The following KANSL1L variants were observed in gnomAD, a reference collection of about 807,000 sequenced individuals.
KANSL1L encodes KAT8 regulatory NSL complex subunit 1-like protein.
Under a neutral mutation model 108.6 loss-of-function variants are expected in KANSL1L, and 25 were observed. The ratio of observed to expected loss-of-function variants is 0.23; its 90% CI spans 0.17 to 0.32. KANSL1L has a LOEUF of 0.32. Among genes scored for constraint, KANSL1L ranks in the 10% least tolerant of loss-of-function variants. The pLI, the probability that KANSL1L is intolerant of heterozygous loss-of-function variation, is 1.00. For missense variants in KANSL1L, 1,137 were observed against 1,125.7 expected, an observed-to-expected ratio of 1.01 and a Z score of -0.14; for synonymous variants, 405 against 395.1, an observed-to-expected ratio of 1.03 and a Z score of -0.30.
At chr2:210,149,842 T>C (rs963758228) in intron 2 of KANSL1L, among the ~76,000 whole-genome samples, 2 of 151,716 alleles carry the variant, frequency 1.3e-5, no homozygotes, top group Middle Eastern at 3.4e-3. Context: ...TTGTATTTAA[T>C]GTATGGGAAG....
upstream of KANSL1L, chr2:210,171,979 T>A (rs1479416687): frequency 5.9e-5 from 7 of 118,030 alleles, no homozygotes; most frequent in East Asian, 1.7e-3. Context: ...TGGATCCAAC[T>A]GGGTGGTTTT....
At chr2:210,029,185 GTATT>G (rs2093980463) in intron 10 of KANSL1L, 1 of 452,872 alleles carries the variant, frequency 2.2e-6, no homozygotes. Flanking sequence ...TGTGTAATGT[GTATT>G]TATGTGTGCA....
At chr2:210,159,588 T>TA (rs2095350775) in intron 1 of KANSL1L, among the ~76,000 whole-genome samples, 1 of 152,226 alleles carries the variant, frequency 6.6e-6, no homozygotes, top group Non-Finnish European at 1.5e-5. Context: ...ACTAAATTCA[T>TA]AAATTAATTG....
chr2:210,095,719 ATTAAAC>A (rs1175249087), intron 5 of KANSL1L, among the ~76,000 whole-genome samples: 1 of 152,192 alleles, frequency 6.6e-6, no homozygotes. Flanking sequence ...ATAAAGAGCT[ATTAAAC>A]TTAAAGATAA....
intron 11 of KANSL1L, 164 bp downstream of exon 11, chr2:210,028,681 T>G: frequency 1.8e-6 from 1 of 568,206 alleles, no homozygotes; most frequent in Non-Finnish European, 3.1e-6. Context: ...TGATACTATA[T>G]AACACTTAAG....
chr2:210,118,867 C>T (rs2094984693), intron 3 of KANSL1L, among the ~76,000 whole-genome samples: 1 of 151,350 alleles, frequency 6.6e-6, no homozygotes, highest in South Asian at 2.1e-4. Context: ...AAAAAAAGTC[C>T]TCTATTAAAG....
At chr2:210,168,045 G>A (rs569395545) in intron 1 of KANSL1L, among the ~76,000 whole-genome samples, 27 of 152,174 alleles carry the variant, frequency 1.8e-4, no homozygotes, top group African/African-American at 5.5e-4. Context: ...TAAAAGTAAT[G>A]TAAGATTGTA....
At chr2:210,121,214 T>C (rs1037718114) in intron 3 of KANSL1L, among the ~76,000 whole-genome samples, 1 of 152,186 alleles carries the variant, frequency 6.6e-6, no homozygotes, top group African/African-American at 2.4e-5. Flanking sequence ...ATTGCAGCAC[T>C]ATGCACAATA....
chr2:210,102,488 C>CTTCT (rs1559556846), intron 4 of KANSL1L, among the ~76,000 whole-genome samples: 1 of 152,072 alleles, frequency 6.6e-6, no homozygotes, highest in African/African-American at 2.4e-5. Context: ...AACTAAAGAG[C>CTTCT]TTCTGCACAG....
intron 6 of KANSL1L, among the ~76,000 whole-genome samples, chr2:210,062,085 C>T (rs201460715): frequency 6.6e-6 from 1 of 152,092 alleles, no homozygotes; most frequent in East Asian, 1.9e-4. Context: ...AGTTGTGTCC[C>T]CACCCAAATC....
chr2:210,048,491 CTT>C (rs999934996), intron 6 of KANSL1L, among the ~76,000 whole-genome samples: 10 of 151,594 alleles, frequency 6.6e-5, no homozygotes, highest in African/African-American at 2.4e-4. Context: ...AAAAATTAAA[CTT>C]ACTTATTTTT....
At chr2:210,161,917 G>T (rs2095363305) in intron 1 of KANSL1L, among the ~76,000 whole-genome samples, 1 of 151,426 alleles carries the variant, frequency 6.6e-6, no homozygotes, top group South Asian at 2.1e-4. Flanking sequence ...TACAAAGATG[G>T]TGTATATATT....
intron 8 of KANSL1L, among the ~76,000 whole-genome samples, 172 bp from the exon 9 acceptor site, chr2:210,031,718 A>C (rs1359734742): frequency 6.6e-6 from 1 of 152,210 alleles, no homozygotes; most frequent in Non-Finnish European, 1.5e-5. Flanking sequence ...AGGAATTTCC[A>C]GTTTCTTATA....
At chr2:210,091,857 T>C (rs939951862) in intron 5 of KANSL1L, among the ~76,000 whole-genome samples, 4 of 152,216 alleles carry the variant, frequency 2.6e-5, no homozygotes, top group African/African-American at 9.6e-5. Context: ...TAGAGTCTAC[T>C]AGTCTACTCT....
intron 2 of KANSL1L, among the ~76,000 whole-genome samples, chr2:210,129,541 G>T (rs976469249): frequency 6.6e-6 from 1 of 152,096 alleles, no homozygotes; most frequent in Non-Finnish European, 1.5e-5. Context: ...TACGTAAGTA[G>T]ATGTCAAGTA....
chr2:210,108,861 C>T (rs368190296), intron 3 of KANSL1L, among the ~76,000 whole-genome samples: 7 of 152,296 alleles, frequency 4.6e-5, no homozygotes, highest in Admixed American at 1.3e-4. Context: ...TTCCTATAGA[C>T]ACCACCACTA....
chr2:210,060,187 A>G (rs2094404528), intron 6 of KANSL1L, among the ~76,000 whole-genome samples: 1 of 152,224 alleles, frequency 6.6e-6, no homozygotes, highest in Non-Finnish European at 1.5e-5. Flanking sequence ...AAAACTTTCA[A>G]ATGAAATTAT....
chr2:210,103,850 G>A (rs529410849), intron 4 of KANSL1L, among the ~76,000 whole-genome samples: 134 of 151,760 alleles, frequency 8.8e-4, no homozygotes, highest in African/African-American at 3.1e-3. Flanking sequence ...TCTAATCCCT[G>A]TAAAAATAAA....
chr2:210,154,716 G>C (rs1165204003), intron 1 of KANSL1L, 105 bp from the exon 2 acceptor site: 1 of 545,558 alleles, frequency 1.8e-6, no homozygotes, highest in East Asian at 3.3e-5. Context: ...GAACATGAAG[G>C]AACAAAACTC....
Sources: gnomAD v4.1 joint callset for allele counts (sites outside exome capture counted in the v4.1 genomes callset) on GRCh38, gnomAD v4.1.1 for gene constraint, MANE v1.5 for transcripts, NCBI Gene and HGNC (gene_info 2026-07-23, HGNC 2026-07-21) for gene names.